The following EBF2 variants were observed in gnomAD, a reference collection of about 807,000 sequenced individuals.
The protein encoded by EBF2 is transcription factor COE2.
EBF2 carries 21 observed loss-of-function variants against 72.8 expected under a neutral mutation model. The observed-to-expected ratio is 0.29, with a 90% confidence interval of 0.20 to 0.42. EBF2 has a LOEUF of 0.42. EBF2 is among the 10% of genes least tolerant of loss of function. The pLI is 1.00. For missense variants in EBF2, 637 were observed against 731.2 expected (o/e 0.87, Z 1.49); for synonymous variants, 299 against 274.2 (o/e 1.09, Z -0.89).
rs1805541829 is a variant in EBF2 at position 26,038,454 on chromosome 8, T to G, written c.482+1574A>C. Among the ~76,000 whole-genome samples, 4 of 152,332 alleles carry G rather than the reference T, an allele frequency of 2.6e-5. No homozygotes were observed. The South Asian group carries it at 8.3e-4, about 32-fold the overall frequency. On this transcript the variant is annotated intron_variant, in intron 5 of 15. Coordinates refer to ENST00000520164, the MANE Select transcript of EBF2 (RefSeq NM_022659.4). ...TAAAAATGTCAGTCTTAACTACAGC[T>G]GGATGGGGCATGCAAGTATTATTTT...
At chr8:25,882,685 A>G (rs981215048) in intron 10 of EBF2, among the ~76,000 whole-genome samples, 1 of 152,218 alleles carries the variant, frequency 6.6e-6, no homozygotes, top group East Asian at 1.9e-4. Flanking sequence ...ATGGGGGAAA[A>G]GGAGGTTAAG....
intron 7 of EBF2, among the ~76,000 whole-genome samples, chr8:25,896,942 T>C (rs1802871521): frequency 6.6e-6 from 1 of 152,228 alleles, no homozygotes; most frequent in Non-Finnish European, 1.5e-5. Flanking sequence ...TTCTTTGTTA[T>C]GGGACTCCAG....
chr8:25,931,095 C>T lies in EBF2; in HGVS notation c.552-22540G>A, dbSNP rs1262843605. On this transcript the variant is annotated intron_variant, in intron 6 of 15. Coordinates refer to ENST00000520164, the MANE Select transcript of EBF2 (RefSeq NM_022659.4). ...TTCAATGTTCATTTCCCTGCCTCAG[C>T]CCATTTTGCCATAGAAACTTGGATG... Among the ~76,000 whole-genome samples, 3 of 152,170 alleles carry T rather than the reference C, an allele frequency of 2.0e-5. No individual in the cohort carries two copies. In the East Asian group the frequency reaches 5.8e-4, roughly 29 times the overall value.
chr8:25,984,752 A>G (rs550292788), intron 6 of EBF2, among the ~76,000 whole-genome samples: 2 of 152,164 alleles, frequency 1.3e-5, no homozygotes, highest in Admixed American at 1.3e-4. Flanking sequence ...AAATTTGCCC[A>G]GTATTCTTTG....
intron 7 of EBF2, among the ~76,000 whole-genome samples, chr8:25,896,279 T>C (rs1802863037): frequency 6.6e-6 from 1 of 152,184 alleles, no homozygotes; most frequent in South Asian, 2.1e-4. Flanking sequence ...AGTTCTACCA[T>C]TAGTCAGACA....
At chr8:26,010,084 C>CG (rs965348279) in intron 6 of EBF2, among the ~76,000 whole-genome samples, 4 of 152,052 alleles carry the variant, frequency 2.6e-5, no homozygotes, top group Admixed American at 2.0e-4. Context: ...AACGGAAAGT[C>CG]GGGGGGAACA....
chr8:25,910,903 T>G (rs1489107445), intron 6 of EBF2, among the ~76,000 whole-genome samples: 1 of 152,208 alleles, frequency 6.6e-6, no homozygotes, highest in East Asian at 1.9e-4. Context: ...TATTGCTACT[T>G]CTAAATGGCT....
At chr8:25,864,904 T>TCTC (rs1244390431) in intron 10 of EBF2, among the ~76,000 whole-genome samples, 1 of 151,854 alleles carries the variant, frequency 6.6e-6, no homozygotes, top group Non-Finnish European at 1.5e-5. Context: ...TTCAAGCGAT[T>TCTC]CTCCTGCTTC....
intron 6 of EBF2, among the ~76,000 whole-genome samples, chr8:25,980,162 G>A (rs1359040655): frequency 1.3e-5 from 2 of 152,160 alleles, no homozygotes; most frequent in South Asian, 4.1e-4. Flanking sequence ...AAAAGCGGGG[G>A]TGGGAGGGGC....
intron 6 of EBF2, among the ~76,000 whole-genome samples, chr8:25,929,744 A>G (rs182330049): frequency 1.4e-4 from 22 of 152,266 alleles, no homozygotes; most frequent in Non-Finnish European, 2.2e-4. Flanking sequence ...ATCCTGGTTG[A>G]GTCTTCACAG....
At chr8:25,925,738 A>C (rs897275447) in intron 6 of EBF2, among the ~76,000 whole-genome samples, 8 of 152,186 alleles carry the variant, frequency 5.3e-5, no homozygotes, top group African/African-American at 1.9e-4. Flanking sequence ...GGGTCAGAGC[A>C]GCTGCCTGTG....
chr8:25,953,364 C>A (rs138168282), intron 6 of EBF2, among the ~76,000 whole-genome samples: 1 of 152,294 alleles, frequency 6.6e-6, no homozygotes, highest in East Asian at 1.9e-4. Context: ...CATGATTTTC[C>A]TTAAGGTGGT....
At chr8:25,999,747 G>A (rs1441488508) in intron 6 of EBF2, among the ~76,000 whole-genome samples, 2 of 150,468 alleles carry the variant, frequency 1.3e-5, no homozygotes, top group African/African-American at 2.5e-5. Flanking sequence ...CTATCGTCGT[G>A]TTCAGTCTGT....
In EBF2 at chr8:25,995,486, C is replaced by T. The variant is rs553451544; in HGVS notation, c.551+37599G>A. On this transcript the variant is annotated intron_variant, in intron 6 of 15. Transcript: ENST00000520164. ...AATAAACGTAAATAAGTTAAGCTCT[C>T]GCATTAAAAAGGAATTGAATAAAAT... Among the ~76,000 whole-genome samples, 17 of 152,086 alleles carry T rather than the reference C, an allele frequency of 1.1e-4. No individual in the cohort carries two copies. The East Asian group carries it at 2.5e-3, about 22-fold the overall frequency.
chr8:26,025,663 A>G (rs1805292106), intron 6 of EBF2, among the ~76,000 whole-genome samples: 1 of 152,142 alleles, frequency 6.6e-6, no homozygotes, highest in Non-Finnish European at 1.5e-5. Context: ...GTGTCCTCCA[A>G]TGAAGAGCTT....
At chr8:25,881,617 C>T (rs1377217623) in intron 10 of EBF2, among the ~76,000 whole-genome samples, 2 of 152,210 alleles carry the variant, frequency 1.3e-5, no homozygotes, top group African/African-American at 4.8e-5. Flanking sequence ...TAGAGGAAGG[C>T]CTGGTCCCTG....
At chr8:25,975,341 T>G (rs1336953722) in intron 6 of EBF2, among the ~76,000 whole-genome samples, 2 of 152,214 alleles carry the variant, frequency 1.3e-5, no homozygotes, top group East Asian at 1.9e-4. Flanking sequence ...CAGAATCAAC[T>G]GTCTCAGTAA....
rs138874919 is a variant in EBF2, at chr8:25,984,273, T to C, written c.551+48812A>G. Reference sequence around the variant, plus strand: ...ACAATATTGGCTGACTTAATGTGAGTGTCAGATTAGCACACAGTTGCATCA... The same window carrying C: ...ACAATATTGGCTGACTTAATGTGAGCGTCAGATTAGCACACAGTTGCATCA... On this transcript the variant is annotated intron_variant, in intron 6 of 15. Coordinates refer to ENST00000520164, the MANE Select transcript of EBF2 (RefSeq NM_022659.4). Among the ~76,000 whole-genome samples the C allele has an allele frequency of 6.5e-3, 992 of 152,196 alleles. 5 individuals carry two copies. Among genetic ancestry groups the C allele is most frequent in the Non-Finnish European group, 9.8e-3 (667 of 68,014 alleles).
intron 6 of EBF2, among the ~76,000 whole-genome samples, chr8:25,957,195 T>TC (rs999738804): frequency 2.6e-5 from 4 of 151,934 alleles, no homozygotes; most frequent in African/African-American, 9.7e-5. Context: ...AACTGCCATT[T>TC]CCCCCCCAAG....
Sources: gnomAD v4.1 joint callset for allele counts (sites outside exome capture counted in the v4.1 genomes callset) on GRCh38, gnomAD v4.1.1 for gene constraint, MANE v1.5 for transcripts, NCBI Gene and HGNC (gene_info 2026-07-23, HGNC 2026-07-21) for gene names.